APEH: variants seen among roughly 807,000 people sequenced by gnomAD.
The protein encoded by APEH is acylaminoacyl-peptide hydrolase.
In APEH, 75 loss-of-function variants were observed where a neutral mutation model predicts 102.7. The ratio of observed to expected loss-of-function variants is 0.73; its 90% CI spans 0.61 to 0.89. The LOEUF (loss-of-function observed/expected upper bound fraction) is 0.89. Ranked by LOEUF, APEH falls within the 40% of genes least tolerant of loss-of-function variation. The probability of loss-of-function intolerance (pLI) is 0.00; values close to 1 mark genes in which losing one functional copy is unlikely to be tolerated. For synonymous variants in APEH, 344 were observed against 362.7 expected (o/e 0.95, Z 0.59); for missense variants, 863 against 941.2 (o/e 0.92, Z 1.09).
In APEH at chr3:49,676,498, A is replaced by T. The variant is rs111331609; in HGVS notation, c.727A>T (p.Asn243Tyr). Reference protein sequence around the residue: ...NISVLEGVPENVSPGQAFWAP... With the variant: ...NISVLEGVPEYVSPGQAFWAP... ...CTCTGTGCTTGAGGGGGTCCCTGAGAATGTGTCCCCTGGACAGGTCAGCAG... is the reference window on the plus strand; with the variant it reads ...CTCTGTGCTTGAGGGGGTCCCTGAGTATGTGTCCCCTGGACAGGTCAGCAG... The change falls in exon 7 of 22, where the codon AAT (asparagine) becomes TAT (tyrosine). Residue 243 changes from asparagine (N) to tyrosine (Y), a missense_variant. Coordinates refer to ENST00000296456, the MANE Select transcript of APEH (RefSeq NM_001640.4). 6.2e-7 allele frequency: 1 copy of T among 1,614,190 alleles called. No individual in the cohort carries two copies. Among genetic ancestry groups the T allele is most frequent in the Non-Finnish European group, 8.5e-7 (1 of 1,180,022 alleles).
rs770526924 is a variant in APEH at position 49,674,373 on chromosome 3, C to G, written c.-29C>G. On this transcript the variant is annotated 5_prime_UTR_variant, in exon 1 of 22. Transcript: ENST00000296456. ...CTCACTTCCGGGCGCGAGCACGCCC[C>G]GCCTCGCCCCGGCGGCAGAGAGGAG... 1 of 1,559,558 alleles carries G rather than the reference C, an allele frequency of 6.4e-7. No homozygotes were observed. The highest frequency in any genetic ancestry group is 1.2e-5 in the South Asian group (1 of 86,046).
Position 49,675,914 on chromosome 3 carries a change from C to T in APEH, c.390C>T (p.Leu130=), listed in dbSNP as rs1441607894. 2 of 1,614,040 alleles carry T rather than the reference C, an allele frequency of 1.2e-6. No individual in the cohort carries two copies. Among genetic ancestry groups the T allele is most frequent in the East Asian group, 2.2e-5 (1 of 44,886 alleles). The change falls in exon 5 of 22, where the codon CTC becomes CTT. Residue 130 remains leucine, a synonymous_variant. Coordinates refer to ENST00000296456, the MANE Select transcript of APEH (RefSeq NM_001640.4). The part of the protein sequence containing the change: ...FLEVWEKNRK[L]KSFNLSALEK... Reference sequence around the variant, plus strand: ...AGGTCTGGGAGAAGAACCGGAAGCTCAAGAGCTTCAACCTGTCAGCGCTGG... The same window carrying T: ...AGGTCTGGGAGAAGAACCGGAAGCTTAAGAGCTTCAACCTGTCAGCGCTGG...
In APEH at chr3:49,681,097, G is replaced by A; in HGVS notation, c.1300-4G>A. On this transcript the variant is annotated splice_region_variant and splice_polypyrimidine_tract_variant and intron_variant, in intron 14 of 21. Coordinates refer to ENST00000296456, the MANE Select transcript of APEH (RefSeq NM_001640.4). ...ACCTATGACACATTCTTTCCCCTTG[G>A]CAGAAAGTTGGGTTCCTGCCTTCTG... The A allele has an allele frequency of 6.4e-7, 1 of 1,574,772 alleles. No homozygotes were observed. The highest frequency in any genetic ancestry group is 8.6e-7 in the Non-Finnish European group (1 of 1,159,492).
intron 13 of APEH, chr3:49,680,298 C>T: frequency 2.0e-6 from 1 of 491,684 alleles, no homozygotes; most frequent in Non-Finnish European, 3.7e-6. Flanking sequence ...GATGTGCCTG[C>T]ATGGTCTGAT....
At position 49,677,018 on chromosome 3, in the gene APEH, G is replaced by A; in HGVS notation, c.993G>A (p.Leu331=). The change falls in exon 10 of 22, where the codon CTG becomes CTA. Residue 331 remains leucine (L), a synonymous_variant. Coordinates refer to ENST00000296456, the MANE Select transcript of APEH (RefSeq NM_001640.4). The part of the protein sequence containing the change: ...SLIPHHQCSQ[L]CLYDWYTKVT... The stretch of plus-strand genomic sequence containing the variant: ...TCCCCCATCACCAATGCAGCCAGCT[G>A]TGCCTGGTGAGCTGGAGGTGGCAGG... The A allele has an allele frequency of 6.2e-7, 1 of 1,614,106 alleles. No individual in the cohort carries two copies. The highest frequency in any genetic ancestry group is 8.5e-7 in the Non-Finnish European group (1 of 1,180,024).
intron 11 of APEH, 76 bp downstream of exon 11, chr3:49,677,709 C>T (rs749818434): frequency 9.3e-6 from 13 of 1,403,574 alleles, no homozygotes; most frequent in Admixed American, 1.7e-5. Flanking sequence ...ATCCCTGCCC[C>T]GTTCTTCTTT....
chr3:49,675,354 G>A (rs754597241), intron 3 of APEH, 45 bp downstream of exon 3: 9 of 1,606,278 alleles, frequency 5.6e-6, no homozygotes, highest in East Asian at 2.2e-5. Flanking sequence ...ACAGCCGTCC[G>A]CAATGCAAGC....
intron 11 of APEH, among the ~76,000 whole-genome samples, chr3:49,678,216 C>T (rs930660405): frequency 2.6e-5 from 4 of 152,146 alleles, no homozygotes; most frequent in East Asian, 3.9e-4. Flanking sequence ...TCAGGCCACC[C>T]GGTCAGTTCC....
intron 13 of APEH, chr3:49,680,300 T>C: frequency 2.0e-6 from 1 of 493,276 alleles, no homozygotes; most frequent in African/African-American, 1.9e-5. Flanking sequence ...TGTGCCTGCA[T>C]GGTCTGATGT....
chr3:49,680,703 G>A, intron 14 of APEH, 74 bp downstream of exon 14: 1 of 1,368,824 alleles, frequency 7.3e-7, no homozygotes, highest in Non-Finnish European at 1.0e-6. Flanking sequence ...CAGGGAATTG[G>A]CCCCAGAGTC....
chr3:49,675,221 C>A lies in APEH; in HGVS notation c.184C>A (p.Arg62=). ...QRDLERMENI[R]FCRQYLVFHD... Reference sequence around the variant, plus strand: ...GGACCTGGAACGCATGGAGAACATTCGATTCTGCCGCCAATACCTGGTGTT... The same window carrying A: ...GGACCTGGAACGCATGGAGAACATTAGATTCTGCCGCCAATACCTGGTGTT... The change falls in exon 3 of 22, where the codon CGA becomes AGA. Residue 62 remains arginine, a synonymous_variant. Transcript: ENST00000296456. The A allele has an allele frequency of 6.2e-7, 1 of 1,613,992 alleles. No individual in the cohort carries two copies. The highest frequency in any genetic ancestry group is 1.3e-5 in the African/African-American group (1 of 75,020).
rs373960853 is a variant in APEH, at chr3:49,681,716, C to G, written c.1439-6C>G. The G allele has an allele frequency of 6.4e-7, 1 of 1,572,666 alleles. No individual in the cohort carries two copies. Among genetic ancestry groups the G allele is most frequent in the African/African-American group, 1.3e-5 (1 of 74,278 alleles). On this transcript the variant is annotated splice_region_variant and splice_polypyrimidine_tract_variant and intron_variant, in intron 15 of 21. Coordinates refer to ENST00000296456, the MANE Select transcript of APEH (RefSeq NM_001640.4). ...CACCCTGCTGACTGCTGCCCTCTCC[C>G]TGCAGCTGGCCTTGACTTTGAAGCA... is the stretch of plus-strand genomic sequence containing the variant.
chr3:49,677,302 C>G (rs2053105727), intron 10 of APEH, among the ~76,000 whole-genome samples: 1 of 152,216 alleles, frequency 6.6e-6, no homozygotes, highest in Non-Finnish European at 1.5e-5. Flanking sequence ...TGTAGCCAGG[C>G]TCTGCAAGGG....
rs533443649 is a variant in APEH, at chr3:49,683,386, C to T, written c.*44C>T. On this transcript the variant is annotated 3_prime_UTR_variant, in exon 22 of 22. Transcript: ENST00000296456. ...GAGCTGATCAGCCTGTGCCACACTT[C>T]GCTCTTGAGGAGCTCAACGGTCTGG... 5.8e-6 allele frequency: 9 copies of T among 1,542,026 alleles called. No homozygotes were observed. Among genetic ancestry groups the T allele is most frequent in the African/African-American group, 4.1e-5 (3 of 73,438 alleles).
intron 19 of APEH, 51 bp downstream of exon 19, chr3:49,682,787 C>T (rs755515410): frequency 6.2e-7 from 1 of 1,613,534 alleles, no homozygotes; most frequent in South Asian, 1.1e-5. Context: ...CTCAAATTCT[C>T]ATGGAGCCCC....
Position 49,675,192 on chromosome 3 carries a change from A to AG in APEH, c.156dup (p.Arg53GlufsTer20), listed in dbSNP as rs1366005814. 1 of 1,614,054 alleles carries AG rather than the reference A, an allele frequency of 6.2e-7. No homozygotes were observed. The highest frequency in any genetic ancestry group is 8.5e-7 in the Non-Finnish European group (1 of 1,179,970). On this transcript the variant is annotated frameshift_variant, in exon 3 of 22. Transcript: ENST00000296456. LOFTEE classifies it high-confidence loss of function. ...ATGCCTCCCCTCACAGAGTGGACCCAGAGGGACCTGGAACGCATGGAGAAC... is the reference window on the plus strand; with the variant it reads ...ATGCCTCCCCTCACAGAGTGGACCCAGGAGGGACCTGGAACGCATGGAGAAC...
At chr3:49,676,738 A>C in intron 8 of APEH, 38 bp downstream of exon 8, 9 of 1,614,230 alleles carry the variant, frequency 5.6e-6, no homozygotes, top group Non-Finnish European at 7.6e-6. Flanking sequence ...CTTGCAGCCC[A>C]GCTGGCCTTG....
rs773724200 is a variant in APEH, at chr3:49,678,852, AG to A, written c.1062del (p.Asn355ThrfsTer44). ...AGCCTCAGCCCTCCTATCTTTACAG[AG>A]AACTTCTCTGGGATCTACTGCAGCC... ...VVDVVPRQLG[E>X]NFSGIYCSLL... On this transcript the variant is annotated frameshift_variant and splice_region_variant, in exon 12 of 22. Transcript: ENST00000296456. LOFTEE classifies it high-confidence loss of function. 5.6e-6 allele frequency: 9 copies of A among 1,612,158 alleles called. No homozygotes were observed. The highest frequency in any genetic ancestry group is 1.3e-5 in the African/African-American group (1 of 74,966).
upstream of APEH, among the ~76,000 whole-genome samples, chr3:49,673,477 T>A (rs1474344304): frequency 1.3e-5 from 2 of 151,960 alleles, no homozygotes; most frequent in Non-Finnish European, 2.9e-5. Flanking sequence ...CAGCTCACGG[T>A]CCCCAACAAG....
Sources: gnomAD v4.1 joint callset for allele counts (sites outside exome capture counted in the v4.1 genomes callset) on GRCh38, gnomAD v4.1.1 for gene constraint, MANE v1.5 for transcripts, NCBI Gene and HGNC (gene_info 2026-07-23, HGNC 2026-07-21) for gene names.